NR6A1: variants seen among roughly 807,000 people sequenced by gnomAD.
NR6A1 encodes retinoic acid receptor-related testis-associated receptor.
A neutral mutation model predicts 59.1 loss-of-function variants in NR6A1; 7 were observed. The observed-to-expected ratio is 0.12, with a 90% CI of 0.07 to 0.22. The LOEUF (loss-of-function observed/expected upper bound fraction) is 0.22, where lower values mean the gene tolerates loss of function less well. Among genes scored for constraint, NR6A1 ranks in the 10% least tolerant of loss-of-function variants. The pLI is 1.00. For synonymous variants in NR6A1, 243 were observed against 236.1 expected, an observed-to-expected ratio of 1.03 and a Z score of -0.27; for missense variants, 468 against 611.6, an observed-to-expected ratio of 0.77 and a Z score of 2.48.
At chr9:124,608,741 C>T (rs557676127) in intron 2 of NR6A1, among the ~76,000 whole-genome samples, 1 of 152,322 alleles carries the variant, frequency 6.6e-6, no homozygotes, top group Non-Finnish European at 1.5e-5. Flanking sequence ...AACGGTTGAA[C>T]TAACTGACAT....
intron 7 of NR6A1, among the ~76,000 whole-genome samples, chr9:124,534,265 G>C (rs1833188654): frequency 6.6e-6 from 1 of 151,742 alleles, no homozygotes; most frequent in Non-Finnish European, 1.5e-5. Context: ...TAGAGACAGG[G>C]GTTCTCCATG....
intron 1 of NR6A1, among the ~76,000 whole-genome samples, chr9:124,739,096 G>C (rs974502875): frequency 6.6e-6 from 1 of 151,104 alleles, no homozygotes; most frequent in East Asian, 1.9e-4. Flanking sequence ...GCTGAGGCAG[G>C]AGAAATGCTT....
chr9:124,554,192 T>C, intron 3 of NR6A1, 136 bp downstream of exon 3: 4 of 1,348,026 alleles, frequency 3.0e-6, no homozygotes, highest in Non-Finnish European at 4.1e-6. Flanking sequence ...GCAAGAATGG[T>C]TCATTTTTGG....
chr9:124,725,328 A>G (rs1362844474), intron 2 of NR6A1, among the ~76,000 whole-genome samples: 1 of 151,720 alleles, frequency 6.6e-6, no homozygotes, highest in Non-Finnish European at 1.5e-5. Context: ...AGGCAGCCAG[A>G]GTGTGAACAG....
At chr9:124,565,016 A>G (rs1461201216) in intron 2 of NR6A1, among the ~76,000 whole-genome samples, 1 of 152,180 alleles carries the variant, frequency 6.6e-6, no homozygotes, top group African/African-American at 2.4e-5. Flanking sequence ...ATGGGAAAAA[A>G]ATGAAACCCA....
At chr9:124,617,728 A>T (rs1441208799) in intron 2 of NR6A1, among the ~76,000 whole-genome samples, 6 of 152,138 alleles carry the variant, frequency 3.9e-5, no homozygotes, top group Non-Finnish European at 7.3e-5. Flanking sequence ...AAGCCTGGGG[A>T]GTGAAGAAAA....
At chr9:124,554,259 T>C in intron 3 of NR6A1, 69 bp downstream of exon 3, 1 of 1,607,272 alleles carries the variant, frequency 6.2e-7, no homozygotes, top group Admixed American at 1.7e-5. Context: ...AATAAGTAAC[T>C]AAACAGCTGA....
chr9:124,562,865 ATG>A (rs1834120512), intron 2 of NR6A1, among the ~76,000 whole-genome samples: 1 of 152,238 alleles, frequency 6.6e-6, no homozygotes, highest in African/African-American at 2.4e-5. Context: ...CACCATTGAC[ATG>A]TGTCTGCTGA....
chr9:124,747,457 C>T (rs1389764474), intron 1 of NR6A1, among the ~76,000 whole-genome samples: 2 of 152,138 alleles, frequency 1.3e-5, no homozygotes, highest in African/African-American at 2.4e-5. Flanking sequence ...CATCCACATA[C>T]ACTTTCACTT....
chr9:124,653,791 T>G (rs1243492828), intron 2 of NR6A1, among the ~76,000 whole-genome samples: 1 of 152,368 alleles, frequency 6.6e-6, no homozygotes. Flanking sequence ...AGAGTCAGAA[T>G]AGCTGAATAC....
At chr9:124,638,754 C>G (rs1836689794) in intron 2 of NR6A1, among the ~76,000 whole-genome samples, 1 of 152,204 alleles carries the variant, frequency 6.6e-6, no homozygotes, top group Admixed American at 6.5e-5. Flanking sequence ...ATGACTACAA[C>G]ATGATAGGCA....
chr9:124,628,176 C>G (rs777412439), intron 2 of NR6A1, among the ~76,000 whole-genome samples: 3 of 151,696 alleles, frequency 2.0e-5, no homozygotes, highest in Non-Finnish European at 2.9e-5. Flanking sequence ...TACAGGCGCA[C>G]GCCACCACAC....
chr9:124,610,483 A>T (rs1225703083), intron 2 of NR6A1, among the ~76,000 whole-genome samples: 4 of 152,102 alleles, frequency 2.6e-5, no homozygotes, highest in Admixed American at 1.3e-4. Context: ...TTTTTGATGT[A>T]CTTCTAGATT....
chr9:124,764,301 T>G (rs1232547163), intron 1 of NR6A1, among the ~76,000 whole-genome samples: 1 of 152,204 alleles, frequency 6.6e-6, no homozygotes, highest in East Asian at 1.9e-4. Context: ...CTCTAAACTA[T>G]GGGATTACAC....
chr9:124,720,876 AG>A (rs1415323652), intron 2 of NR6A1, among the ~76,000 whole-genome samples: 1 of 152,240 alleles, frequency 6.6e-6, no homozygotes, highest in Non-Finnish European at 1.5e-5. Flanking sequence ...CTAACACAGA[AG>A]GTTTTCTCTT....
At chr9:124,720,683 G>A (rs1440197490) in intron 2 of NR6A1, among the ~76,000 whole-genome samples, 1 of 152,190 alleles carries the variant, frequency 6.6e-6, no homozygotes, top group Non-Finnish European at 1.5e-5. Flanking sequence ...AAGAGGCAAA[G>A]AGTGGTCCCG....
chr9:124,731,691 T>C (rs1218293637), intron 2 of NR6A1, among the ~76,000 whole-genome samples: 1 of 152,198 alleles, frequency 6.6e-6, no homozygotes, highest in African/African-American at 2.4e-5. Flanking sequence ...CTTCTATTAA[T>C]GAAGAGTAAA....
At chr9:124,750,255 T>TAAA (rs1333478045) in intron 1 of NR6A1, among the ~76,000 whole-genome samples, 1 of 152,218 alleles carries the variant, frequency 6.6e-6, no homozygotes, top group African/African-American at 2.4e-5. Flanking sequence ...TAAAAGGCAT[T>TAAA]AAGGATCAAA....
intron 2 of NR6A1, among the ~76,000 whole-genome samples, chr9:124,652,587 C>T (rs1837137592): frequency 1.3e-5 from 2 of 152,138 alleles, no homozygotes; most frequent in Non-Finnish European, 2.9e-5. Flanking sequence ...CAGCCTTATC[C>T]TCCAAGAAGA....
Sources: gnomAD v4.1 joint callset for allele counts (sites outside exome capture counted in the v4.1 genomes callset) on GRCh38, gnomAD v4.1.1 for gene constraint, MANE v1.5 for transcripts, NCBI Gene and HGNC (gene_info 2026-07-23, HGNC 2026-07-21) for gene names.